The following ARAP2 variants were observed in gnomAD, a reference collection of about 807,000 sequenced individuals.
ARAP2 encodes the protein ArfGAP with RhoGAP domain, ankyrin repeat and PH domain 2, also known as arf-GAP with Rho-GAP domain, ANK repeat and PH domain-containing protein 2.
In ARAP2, 148 loss-of-function variants were observed where a neutral mutation model predicts 194.5. The ratio of observed to expected loss-of-function variants is 0.76; its 90% CI spans 0.67 to 0.87. ARAP2 has a LOEUF of 0.87. Among genes scored for constraint, ARAP2 ranks in the 40% least tolerant of loss-of-function variants. The probability of loss-of-function intolerance (pLI) is 0.00; values close to 1 mark genes in which losing one functional copy is unlikely to be tolerated. For missense variants in ARAP2, 2,128 were observed against 1,989.7 expected (o/e 1.07, Z -1.32); for synonymous variants, 695 against 683.5 (o/e 1.02, Z -0.26).
Position 36,119,663 on chromosome 4 carries a change from C to T in ARAP2, c.3950G>A (p.Trp1317Ter). ...MDIENSFITKWKDTQVSQAGD... is the reference protein window; with the variant it reads ...MDIENSFITK The stretch of plus-strand genomic sequence containing the variant: ...ATTACTACTCACTTGGGTGTCTTTC[C>T]ACTTGGTAATAAAGCTATTTTCTAT... Residue 1317 changes from tryptophan (W) to a stop codon, truncating the protein, a stop_gained, in exon 24 of 33, where the codon TGG becomes TAG. Coordinates refer to ENST00000303965, the MANE Select transcript of ARAP2 (RefSeq NM_015230.4). LOFTEE classifies it high-confidence loss of function. The T allele has an allele frequency of 6.2e-7, 1 of 1,602,040 alleles. No homozygotes were observed. Among genetic ancestry groups the T allele is most frequent in the Non-Finnish European group, 8.5e-7 (1 of 1,171,114 alleles).
chr4:36,211,065 T>C (rs961610419), intron 5 of ARAP2, among the ~76,000 whole-genome samples: 4 of 152,128 alleles, frequency 2.6e-5, no homozygotes, highest in Admixed American at 6.6e-5. Context: ...TAAACATCTT[T>C]AATAGCACAA....
intron 2 of ARAP2, among the ~76,000 whole-genome samples, chr4:36,053,093 C>T (rs1717536555): frequency 6.6e-6 from 1 of 151,952 alleles, no homozygotes; most frequent in Admixed American, 6.6e-5. Flanking sequence ...CTGCAACCTC[C>T]GCCTCCCGGG....
intron 27 of ARAP2, 70 bp downstream of exon 27, chr4:36,107,495 T>C: frequency 6.9e-7 from 1 of 1,457,230 alleles, no homozygotes; most frequent in South Asian, 1.4e-5. Context: ...ATATTACTTG[T>C]GCCATATTAA....
chr4:36,054,035 A>G lies in ARAP2; in HGVS notation n.322-1982T>C, dbSNP rs530920395. 2.0e-5 allele frequency among the ~76,000 whole-genome samples: 3 copies of G among 152,360 alleles called. No homozygotes were observed. In the East Asian group the frequency reaches 5.8e-4, roughly 29 times the overall value. ...GGGCATGTGACTAACAGAATGCTAC[A>G]TGCTTTCAATAATGGTGTTTTTCCA... On this transcript the variant is annotated intron_variant and non_coding_transcript_variant, in intron 2 of 12. Coordinates refer to the ARAP2 transcript ENST00000503225.
chr4:36,211,430 C>A (rs998715714), intron 5 of ARAP2, among the ~76,000 whole-genome samples: 1 of 152,144 alleles, frequency 6.6e-6, no homozygotes, highest in Non-Finnish European at 1.5e-5. Flanking sequence ...TAGATCAACT[C>A]ATTCATTAAT....
At chr4:36,165,424 T>C (rs1239282477) in intron 10 of ARAP2, among the ~76,000 whole-genome samples, 4 of 152,158 alleles carry the variant, frequency 2.6e-5, no homozygotes. Flanking sequence ...TCCTAAGCAA[T>C]GGTTATGTAA....
chr4:36,198,698 A>G (rs1248438070), intron 6 of ARAP2, among the ~76,000 whole-genome samples: 4 of 152,192 alleles, frequency 2.6e-5, no homozygotes, highest in East Asian at 3.8e-4. Context: ...CCGGGCCCCA[A>G]TCTTGCTCTG....
intron 1 of ARAP2, among the ~76,000 whole-genome samples, chr4:36,242,669 G>C (rs1465819412): frequency 6.6e-6 from 1 of 152,084 alleles, no homozygotes; most frequent in Non-Finnish European, 1.5e-5. Context: ...ACACTGCAAG[G>C]AGCTTGCAGT....
At chr4:36,204,372 G>A (rs1185881452) in intron 6 of ARAP2, among the ~76,000 whole-genome samples, 3 of 151,944 alleles carry the variant, frequency 2.0e-5, no homozygotes, top group African/African-American at 7.2e-5. Flanking sequence ...GTTTAGGGGG[G>A]AAAAAAAGAC....
chr4:36,089,715 T>C lies in ARAP2; in HGVS notation c.4425+2166A>G, dbSNP rs150175228. ...TGAACACTTTTGAATCAATGGGTTA[T>C]TGGACATTTCTACATCTTCCTTCAT... On this transcript the variant is annotated intron_variant, in intron 28 of 32. Coordinates refer to ENST00000303965, the MANE Select transcript of ARAP2 (RefSeq NM_015230.4). 1.7e-3 allele frequency among the ~76,000 whole-genome samples: 262 copies of C among 152,242 alleles called. 1 individual carries two copies. The highest frequency in any genetic ancestry group is 6.1e-3 in the African/African-American group (254 of 41,578).
At chr4:36,180,950 T>C (rs1200829557) in intron 8 of ARAP2, among the ~76,000 whole-genome samples, 1 of 152,218 alleles carries the variant, frequency 6.6e-6, no homozygotes, top group Non-Finnish European at 1.5e-5. Flanking sequence ...AGATTACAAG[T>C]GTCAACTGTA....
chr4:36,185,693 T>C (rs1228322365), intron 8 of ARAP2, among the ~76,000 whole-genome samples: 1 of 151,828 alleles, frequency 6.6e-6, no homozygotes, highest in Non-Finnish European at 1.5e-5. Context: ...AGGATAATAA[T>C]GGATGGGCGC....
chr4:36,128,917 A>G (rs1724683901), intron 20 of ARAP2, among the ~76,000 whole-genome samples, 172 bp from the exon 21 acceptor site: 1 of 152,000 alleles, frequency 6.6e-6, no homozygotes, highest in Non-Finnish European at 1.5e-5. Flanking sequence ...TGATTTTAGT[A>G]TTTAAAATGT....
At chr4:36,181,738 G>GA (rs1560608236) in intron 8 of ARAP2, among the ~76,000 whole-genome samples, 1 of 152,182 alleles carries the variant, frequency 6.6e-6, no homozygotes, top group Non-Finnish European at 1.5e-5. Flanking sequence ...TGAATACCAG[G>GA]AATGGAGCAG....
intron 6 of ARAP2, among the ~76,000 whole-genome samples, chr4:36,205,601 G>GAA (rs34235282): frequency 6.7e-6 from 1 of 148,438 alleles, no homozygotes; most frequent in African/African-American, 2.5e-5. Context: ...ATGGTGTCCT[G>GAA]AAAAAAAAAA....
At chr4:36,034,110 C>G (rs1719488806) in intron 5 of ARAP2, among the ~76,000 whole-genome samples, 2 of 152,152 alleles carry the variant, frequency 1.3e-5, no homozygotes, top group East Asian at 1.9e-4. Context: ...TGTATGCTTA[C>G]TATTGCCTTC....
At chr4:36,232,414 T>G (rs1751662659) in intron 1 of ARAP2, among the ~76,000 whole-genome samples, 1 of 152,188 alleles carries the variant, frequency 6.6e-6, no homozygotes, top group East Asian at 1.9e-4. Context: ...CCAAATCACA[T>G]TTTTGTCTCT....
intron 19 of ARAP2, 68 bp downstream of exon 19, chr4:36,147,228 T>A: frequency 7.1e-7 from 1 of 1,413,938 alleles, no homozygotes; most frequent in South Asian, 1.2e-5. Context: ...CTCAAGATAA[T>A]AACAAAAAAC....
At position 36,114,505 on chromosome 4, in the gene ARAP2, G is replaced by C. The variant is rs145115099; in HGVS notation, c.4039-218C>G. Among the ~76,000 whole-genome samples, 8 of 152,060 alleles carry C rather than the reference G, an allele frequency of 5.3e-5. No homozygotes were observed. In the East Asian group the frequency reaches 1.2e-3, roughly 22 times the overall value. Reference sequence around the variant, plus strand: ...AAAAGAGATCACAATATAGACATAAGAGAATTTTTTAATCTCTTACTGAGC... The same window carrying C: ...AAAAGAGATCACAATATAGACATAACAGAATTTTTTAATCTCTTACTGAGC... On this transcript the variant is annotated intron_variant, in intron 25 of 32. Transcript: ENST00000303965.
Sources: allele counts gnomAD v4.1 joint callset (sites outside exome capture counted in the v4.1 genomes callset), GRCh38; gene constraint gnomAD v4.1.1; transcripts MANE v1.5; gene names NCBI Gene and HGNC (gene_info 2026-07-23, HGNC 2026-07-21).